Variants in CNTN4 observed in about 807,000 individuals in gnomAD.
The protein encoded by CNTN4 is contactin 4.
CNTN4 carries 77 observed loss-of-function variants against 122.5 expected under a neutral mutation model. The ratio of observed to expected loss-of-function variants is 0.63; its 90% CI spans 0.52 to 0.76. The LOEUF (loss-of-function observed/expected upper bound fraction) is 0.76, where lower values mean the gene tolerates loss of function less well. Ranked by LOEUF, CNTN4 falls within the 30% of genes least tolerant of loss-of-function variation. CNTN4 has a pLI of 0.00. For synonymous variants in CNTN4, 512 were observed against 447.0 expected, an observed-to-expected ratio of 1.15 and a Z score of -1.83; for missense variants, 1,256 against 1,259.1, an observed-to-expected ratio of 1.00 and a Z score of 0.04.
chr3:3,000,183 T>TA (rs35222275), intron 14 of CNTN4, among the ~76,000 whole-genome samples: 13 of 149,978 alleles, frequency 8.7e-5, no homozygotes, highest in South Asian at 4.2e-4. Flanking sequence ...ATATACTCTT[T>TA]AAAAAAAAAA....
At chr3:3,049,610 G>A (rs749682520) in intron 23 of CNTN4, among the ~76,000 whole-genome samples, 1 of 152,146 alleles carries the variant, frequency 6.6e-6, no homozygotes, top group South Asian at 2.1e-4. Context: ...AAGTACTGCA[G>A]AGAAAAAGAG....
intron 3 of CNTN4, among the ~76,000 whole-genome samples, chr3:2,463,614 C>T (rs1049080891): frequency 2.6e-5 from 4 of 152,056 alleles, no homozygotes; most frequent in Non-Finnish European, 5.9e-5. Flanking sequence ...CAAAAATCAG[C>T]TGGGTGTGGT....
chr3:2,834,039 G>A (rs1213944476), intron 7 of CNTN4, among the ~76,000 whole-genome samples: 6 of 152,056 alleles, frequency 3.9e-5, no homozygotes, highest in East Asian at 1.9e-4. Flanking sequence ...CCAGCTACTC[G>A]GGAGGCTGAG....
chr3:2,789,114 G>A (rs890925038), intron 6 of CNTN4, among the ~76,000 whole-genome samples: 1 of 152,020 alleles, frequency 6.6e-6, no homozygotes, highest in Admixed American at 6.5e-5. Flanking sequence ...AAATGATCTC[G>A]GGAGCCCTAG....
At chr3:2,521,343 T>TCGGCCCCCCCCC (rs781282977) in intron 3 of CNTN4, among the ~76,000 whole-genome samples, 3 of 128,310 alleles carry the variant, frequency 2.3e-5, no homozygotes, top group Non-Finnish European at 3.2e-5. Context: ...CCTCTACCCA[T>TCGGCCCCCCCCC]CCCCCCCACC....
intron 10 of CNTN4, among the ~76,000 whole-genome samples, chr3:2,895,922 A>T (rs1411868627): frequency 1.3e-5 from 2 of 152,042 alleles, no homozygotes; most frequent in African/African-American, 2.4e-5. Context: ...GGTCCCAGCT[A>T]CTCGGGAGGC....
chr3:2,925,340 G>C (rs564891284), intron 12 of CNTN4, among the ~76,000 whole-genome samples: 101 of 152,210 alleles, frequency 6.6e-4, no homozygotes, highest in African/African-American at 2.4e-3. Context: ...CGGATCACGA[G>C]GTCAAGAGCT....
At chr3:2,376,711 G>A (rs1427948248) in intron 3 of CNTN4, among the ~76,000 whole-genome samples, 1 of 147,778 alleles carries the variant, frequency 6.8e-6, no homozygotes, top group East Asian at 2.1e-4. Flanking sequence ...AAAAAGGTCA[G>A]GTTAACATAT....
chr3:2,534,624 CTGG>C (rs1200641305), intron 3 of CNTN4, among the ~76,000 whole-genome samples: 1 of 151,856 alleles, frequency 6.6e-6, no homozygotes, highest in Non-Finnish European at 1.5e-5. Context: ...TACGTGTCCT[CTGG>C]CACTGTTTTC....
At chr3:2,328,996 C>T (rs1039232054) in intron 2 of CNTN4, among the ~76,000 whole-genome samples, 1 of 151,850 alleles carries the variant, frequency 6.6e-6, no homozygotes, top group Admixed American at 6.6e-5. Context: ...GGGTTTTAAA[C>T]TAATTTTTGA....
chr3:2,663,146 T>G (rs1196257386), intron 4 of CNTN4, among the ~76,000 whole-genome samples: 1 of 152,082 alleles, frequency 6.6e-6, no homozygotes, highest in Non-Finnish European at 1.5e-5. Context: ...CAAGATCATG[T>G]GAGCTTTTTG....
rs1308519076 is a variant in CNTN4 at position 3,057,481 on chromosome 3, C to G, written c.*1261C>G. ...TTCTTATGAAAAGAACTATTTGTTA[C>G]AATGAGAAAGGTTTTGTGAGTAAAC... On this transcript the variant is annotated 3_prime_UTR_variant, in exon 25 of 25. Transcript: ENST00000418658. 1 of 152,560 alleles carries G rather than the reference C, an allele frequency of 6.6e-6. No individual in the cohort carries two copies. Among genetic ancestry groups the G allele is most frequent in the Non-Finnish European group, 1.5e-5 (1 of 68,016 alleles). 9.5% of individuals were successfully genotyped at this position (152,560 alleles called of 1,614,324 possible). A position where few individuals can be genotyped will look rare whatever the true frequency, so the allele number is the denominator to read the frequency against.
At chr3:2,121,496 C>CAA (rs201166713) in intron 2 of CNTN4, among the ~76,000 whole-genome samples, 7 of 98,088 alleles carry the variant, frequency 7.1e-5, no homozygotes, top group African/African-American at 1.3e-4. Context: ...GACTCCGTCT[C>CAA]AAAAAAAAAA....
chr3:2,798,366 A>ATCTATCTATCTATCTATCTATC (rs57013365), intron 6 of CNTN4, among the ~76,000 whole-genome samples: 1 of 135,374 alleles, frequency 7.4e-6, no homozygotes, highest in Non-Finnish European at 1.6e-5. Context: ...TACACACATA[A>ATCTATCTATCTATCTATCTATC]ATCTATCTAT....
chr3:2,837,056 C>G (rs771232504), intron 7 of CNTN4, among the ~76,000 whole-genome samples: 1 of 152,086 alleles, frequency 6.6e-6, no homozygotes, highest in Non-Finnish European at 1.5e-5. Context: ...ATGATTTCTA[C>G]TTTTGTTATT....
At chr3:2,946,904 C>T (rs1301832123) in intron 13 of CNTN4, among the ~76,000 whole-genome samples, 2 of 151,972 alleles carry the variant, frequency 1.3e-5, no homozygotes, top group Non-Finnish European at 2.9e-5. Context: ...TGGGGTCTCC[C>T]TTTGTTGCCC....
intron 4 of CNTN4, among the ~76,000 whole-genome samples, chr3:2,718,621 A>C (rs1516384): frequency 0.063 from 9,653 of 152,230 alleles, 769 homozygotes; most frequent in African/African-American, 0.19. Context: ...GTAGGGAAGG[A>C]TAGTTGTGTT....
chr3:2,957,450 C>A (rs1160665042), intron 13 of CNTN4, among the ~76,000 whole-genome samples: 1 of 151,938 alleles, frequency 6.6e-6, no homozygotes, highest in African/African-American at 2.4e-5. Flanking sequence ...TTTATTTCAA[C>A]TTTATTTTGG....
rs564866221 is a variant in CNTN4, at chr3:2,955,439, C to T, written c.1358+29660C>T. On this transcript the variant is annotated intron_variant, in intron 13 of 24. Transcript: ENST00000418658. ...CCACCATGTTGACTCTGTTCTCAGA[C>T]AGGTGTCATCCTCATTACCACAAAA... Among the ~76,000 whole-genome samples, 16 of 152,280 alleles carry T rather than the reference C, an allele frequency of 1.1e-4. No individual in the cohort carries two copies. In the South Asian group the frequency reaches 3.1e-3, roughly 30 times the overall value.
Sources: gnomAD v4.1 joint callset for allele counts (sites outside exome capture counted in the v4.1 genomes callset) on GRCh38, gnomAD v4.1.1 for gene constraint, MANE v1.5 for transcripts, NCBI Gene and HGNC (gene_info 2026-07-23, HGNC 2026-07-21) for gene names.